The following SLC14A1 variants were observed in gnomAD, a reference collection of about 807,000 sequenced individuals.
SLC14A1 encodes urea transporter 1.
A neutral mutation model predicts 39.6 loss-of-function variants in SLC14A1; 36 were observed. The ratio of observed to expected loss-of-function variants is 0.91; its 90% CI spans 0.70 to 1.20. The LOEUF is 1.20. Ranked by LOEUF, SLC14A1 falls within the 50% of genes most tolerant of loss-of-function variation. The pLI, the probability that SLC14A1 is intolerant of heterozygous loss-of-function variation, is 0.00. For synonymous variants in SLC14A1, 164 were observed against 173.6 expected (o/e 0.94, Z 0.43); for missense variants, 469 against 478.7 (o/e 0.98, Z 0.19).
chr18:45,748,471 T>C, intron 9 of SLC14A1, 46 bp downstream of exon 9: 1 of 1,592,410 alleles, frequency 6.3e-7, no homozygotes, highest in South Asian at 1.1e-5. Context: ...ATTGACCAGC[T>C]TACAACTATA....
At chr18:45,742,963 G>A (rs535135741) in intron 8 of SLC14A1, among the ~76,000 whole-genome samples, 84 of 152,358 alleles carry the variant, frequency 5.5e-4, no homozygotes, top group African/African-American at 1.9e-3. Context: ...TGGGATTACA[G>A]GCGTGAGCCA....
chr18:45,731,122 G>A lies in SLC14A1; in HGVS notation c.259G>A (p.Val87Ile), dbSNP rs1230330506. ...SGILILVGLL[V>I]QNPWWALTGW... is the part of the protein sequence containing the mutation. Reference sequence around the variant, plus strand: ...AATCCTGATTCTGGTAGGACTTCTTGTTCAGAACCCCTGGTGGGCTCTCAC... The same window carrying A: ...AATCCTGATTCTGGTAGGACTTCTTATTCAGAACCCCTGGTGGGCTCTCAC... The change falls in exon 4 of 10, where the codon GTT becomes ATT. Residue 87 changes from valine (V) to isoleucine (I), a missense_variant. Coordinates refer to ENST00000321925, the MANE Select transcript of SLC14A1 (RefSeq NM_015865.7). 2 of 1,614,160 alleles carry A rather than the reference G, an allele frequency of 1.2e-6. No individual in the cohort carries two copies. The highest frequency in any genetic ancestry group is 3.3e-4 in the Middle Eastern group (2 of 6,062).
intron 8 of SLC14A1, among the ~76,000 whole-genome samples, chr18:45,746,711 GC>G (rs1272597444): frequency 1.3e-5 from 2 of 152,214 alleles, no homozygotes; most frequent in Non-Finnish European, 2.9e-5. Flanking sequence ...CAAGCCATGA[GC>G]ACCCTTCTGC....
chr18:45,744,668 A>G (rs1599316408), intron 8 of SLC14A1, among the ~76,000 whole-genome samples: 1 of 152,146 alleles, frequency 6.6e-6, no homozygotes, highest in Non-Finnish European at 1.5e-5. Context: ...TAGGTACTCA[A>G]GTCCTCTCAA....
In SLC14A1 at chr18:45,750,043, C is replaced by A; in HGVS notation, c.*92C>A. The stretch of plus-strand genomic sequence containing the variant: ...GGTCTCAGCAAACTGCTGTTTTTCA[C>A]GAGTATCAACTTTCATACTGACGCG... On this transcript the variant is annotated 3_prime_UTR_variant, in exon 10 of 10. Coordinates refer to ENST00000321925, the MANE Select transcript of SLC14A1 (RefSeq NM_015865.7). 4.3e-6 allele frequency: 7 copies of A among 1,610,092 alleles called. No homozygotes were observed. Among genetic ancestry groups the A allele is most frequent in the Admixed American group, 1.7e-5 (1 of 59,914 alleles).
chr18:45,725,064 C>T (rs1225808411), intron 2 of SLC14A1, 51 bp downstream of exon 2: 1 of 152,140 alleles, frequency 6.6e-6, no homozygotes, highest in Non-Finnish European at 1.5e-5. Flanking sequence ...TATGCTAGAC[C>T]ATGAGTGTTT....
chr18:45,739,857 G>C (rs903066788), intron 8 of SLC14A1, 195 bp downstream of exon 8: 2 of 652,864 alleles, frequency 3.1e-6, no homozygotes, highest in Non-Finnish European at 5.4e-6. Context: ...CTACCTCTCT[G>C]ATGATTGTGA....
At position 45,751,359 on chromosome 18, in the gene SLC14A1, A is replaced by C; in HGVS notation, c.*1408A>C. The C allele has an allele frequency of 1.2e-6, 1 of 817,930 alleles. No homozygotes were observed. Among genetic ancestry groups the C allele is most frequent in the African/African-American group, 3.4e-5 (1 of 29,556 alleles). 50.7% of individuals were successfully genotyped at this position (817,930 alleles called of 1,614,324 possible). A position where few individuals can be genotyped will look rare whatever the true frequency, so the allele number is the denominator to read the frequency against. On this transcript the variant is annotated 3_prime_UTR_variant, in exon 10 of 10. Transcript: ENST00000321925. ...GTGTCTCTCAAAAAAAAAAAAAAAC[A>C]AACAAAAACAAAAACAAAACAAAAC...
chr18:45,746,096 A>G (rs1458164631), intron 8 of SLC14A1, among the ~76,000 whole-genome samples: 1 of 152,208 alleles, frequency 6.6e-6, no homozygotes, highest in African/African-American at 2.4e-5. Flanking sequence ...GCCAGAGAAC[A>G]TCTCAATGTT....
At chr18:45,749,501 T>A (rs779051643) in intron 9 of SLC14A1, among the ~76,000 whole-genome samples, 1 of 152,134 alleles carries the variant, frequency 6.6e-6, no homozygotes, top group Admixed American at 6.5e-5. Flanking sequence ...AATGTTCTCT[T>A]GGCACATCTG....
chr18:45,727,543 G>GA, intron 2 of SLC14A1: 1 of 1,187,280 alleles, frequency 8.4e-7, no homozygotes, highest in South Asian at 1.6e-5. Flanking sequence ...AAGGCACAGG[G>GA]ATCTTGGTCC....
In SLC14A1 at chr18:45,750,938, C is replaced by T. The variant is rs1163030764; in HGVS notation, c.*987C>T. 10 of 984,162 alleles carry T rather than the reference C, an allele frequency of 1.0e-5. No individual in the cohort carries two copies. The highest frequency in any genetic ancestry group is 2.3e-4 in the East Asian group (2 of 8,826). The allele number at this position is 984,162 out of a possible 1,614,324, so 61.0% of individuals were successfully genotyped here. A position where few individuals can be genotyped will look rare whatever the true frequency, so the allele number is the denominator to read the frequency against. ...CTGAAGGCAAAGGTCAGATTGCTTA[C>T]GGGTGTTATTTTTATAAGTTGTTGA... On this transcript the variant is annotated 3_prime_UTR_variant, in exon 10 of 10. Coordinates refer to ENST00000321925, the MANE Select transcript of SLC14A1 (RefSeq NM_015865.7).
At chr18:45,747,796 C>G (rs1011379343) in intron 8 of SLC14A1, among the ~76,000 whole-genome samples, 1 of 152,118 alleles carries the variant, frequency 6.6e-6, no homozygotes, top group African/African-American at 2.4e-5. Context: ...GTGTTCAGTT[C>G]CTGCTGTTCT....
intron 5 of SLC14A1, among the ~76,000 whole-genome samples, chr18:45,735,357 C>T (rs572132625): frequency 7.2e-5 from 11 of 152,344 alleles, no homozygotes; most frequent in Admixed American, 2.0e-4. Flanking sequence ...GCGTTTCTAA[C>T]GCATTCCCAC....
chr18:45,747,710 A>AT (rs2047588184), intron 8 of SLC14A1, among the ~76,000 whole-genome samples: 2 of 152,278 alleles, frequency 1.3e-5, no homozygotes, highest in East Asian at 1.9e-4. Context: ...AAAATAAAAA[A>AT]TAAAAAAAAA....
At chr18:45,725,611 GCA>G (rs2046843678) in intron 2 of SLC14A1, among the ~76,000 whole-genome samples, 1 of 152,196 alleles carries the variant, frequency 6.6e-6, no homozygotes, top group African/African-American at 2.4e-5. Context: ...GCATACTCCA[GCA>G]CACAGAAACT....
At chr18:45,748,257 C>A in intron 8 of SLC14A1, 119 bp from the exon 9 acceptor site, 1 of 1,071,420 alleles carries the variant, frequency 9.3e-7, no homozygotes, top group Non-Finnish European at 1.5e-6. Flanking sequence ...TGACTTTAGG[C>A]TCATGCTTGT....
chr18:45,742,160 C>T (rs1457935998), intron 8 of SLC14A1, among the ~76,000 whole-genome samples: 1 of 152,006 alleles, frequency 6.6e-6, no homozygotes, highest in Non-Finnish European at 1.5e-5. Context: ...CAAAGTACCT[C>T]CAGGAAGAAG....
chr18:45,746,876 T>A (rs571233505), intron 8 of SLC14A1, among the ~76,000 whole-genome samples: 1 of 152,322 alleles, frequency 6.6e-6, no homozygotes, highest in East Asian at 1.9e-4. Context: ...AAGACAGTGA[T>A]TTGTTATACA....
Sources: gnomAD v4.1 joint callset for allele counts (sites outside exome capture counted in the v4.1 genomes callset) on GRCh38, gnomAD v4.1.1 for gene constraint, MANE v1.5 for transcripts, NCBI Gene and HGNC (gene_info 2026-07-23, HGNC 2026-07-21) for gene names.